The following RBFOX1 variants were observed in gnomAD, a reference collection of about 807,000 sequenced individuals.
RBFOX1 encodes RNA binding fox-1 homolog 1.
A neutral mutation model predicts 57.7 loss-of-function variants in RBFOX1; 8 were observed. That is an observed-to-expected ratio of 0.14 (90% confidence interval 0.08 to 0.25). RBFOX1 has a LOEUF of 0.25. Among genes scored for constraint, RBFOX1 ranks in the 10% least tolerant of loss-of-function variants. RBFOX1 has a pLI of 1.00. For missense variants in RBFOX1, 611 were observed against 548.5 expected (o/e 1.11, Z -1.14); for synonymous variants, 326 against 222.4 (o/e 1.47, Z -4.15).
chr16:7,692,611 A>G (rs1036186545), intron 14 of RBFOX1, among the ~76,000 whole-genome samples: 1 of 152,180 alleles, frequency 6.6e-6, no homozygotes, highest in Admixed American at 6.5e-5. Flanking sequence ...TTATTTGTAG[A>G]CGAATTAGTA....
At chr16:6,729,666 C>G (rs1032446091) in intron 3 of RBFOX1, among the ~76,000 whole-genome samples, 2 of 152,006 alleles carry the variant, frequency 1.3e-5, no homozygotes, top group Admixed American at 6.6e-5. Flanking sequence ...AGACTTGCAA[C>G]CCTTAATATA....
intron 2 of RBFOX1, among the ~76,000 whole-genome samples, chr16:6,495,868 A>G (rs1201262547): frequency 2.0e-5 from 3 of 152,200 alleles, no homozygotes; most frequent in Non-Finnish European, 4.4e-5. Flanking sequence ...TATTCACAAC[A>G]TAAAGGTATC....
At chr16:6,480,776 G>C (rs767928503) in intron 2 of RBFOX1, among the ~76,000 whole-genome samples, 2 of 152,056 alleles carry the variant, frequency 1.3e-5, no homozygotes, top group Non-Finnish European at 2.9e-5. Flanking sequence ...AGAAATATTT[G>C]TATATATATT....
At chr16:5,548,170 A>ATATATATATATATACATAT in intron 2 of RBFOX1, among the ~76,000 whole-genome samples, 1 of 40,714 alleles carries the variant, frequency 2.5e-5, no homozygotes, top group East Asian at 6.9e-4. Flanking sequence ...AAAAAAAAAA[A>ATATATATATATATACATAT]AAAAATATAT....
At chr16:5,509,974 C>T (rs576333110) in intron 2 of RBFOX1, among the ~76,000 whole-genome samples, 284 of 152,296 alleles carry the variant, frequency 1.9e-3, no homozygotes, top group African/African-American at 6.6e-3. Flanking sequence ...GGCACAAGTT[C>T]TGGGCTTGGA....
rs189642917 is a variant in RBFOX1, at chr16:7,039,540, C to G, written c.-15-12517C>G. Reference sequence around the variant, plus strand: ...TTTTTACTTTTTTAATTGATTATTTCTCACCTCCTTTCCTGAAACCTAAGC... The same window carrying G: ...TTTTTACTTTTTTAATTGATTATTTGTCACCTCCTTTCCTGAAACCTAAGC... On this transcript the variant is annotated intron_variant, in intron 3 of 15. Transcript: ENST00000550418. Among the ~76,000 whole-genome samples, 396 of 152,162 alleles carry G rather than the reference C, an allele frequency of 2.6e-3. 2 individuals carry two copies. Among genetic ancestry groups the G allele is most frequent in the Middle Eastern group, 0.017 (5 of 294 alleles).
chr16:6,926,004 A>T (rs898888600), intron 3 of RBFOX1, among the ~76,000 whole-genome samples: 1 of 152,050 alleles, frequency 6.6e-6, no homozygotes, highest in African/African-American at 2.4e-5. Context: ...ATCTCTGTCT[A>T]TGCTCAAAAA....
chr16:7,415,600 C>T (rs973252278), intron 4 of RBFOX1, among the ~76,000 whole-genome samples: 2 of 152,016 alleles, frequency 1.3e-5, no homozygotes, highest in African/African-American at 2.4e-5. Context: ...TTATAATATA[C>T]GTAATATTAT....
At chr16:6,522,797 C>T (rs929404693) in intron 2 of RBFOX1, among the ~76,000 whole-genome samples, 1 of 152,160 alleles carries the variant, frequency 6.6e-6, no homozygotes, top group African/African-American at 2.4e-5. Context: ...TAATGCAACC[C>T]AAACCTTTGC....
At chr16:7,478,937 G>A (rs747473723) in intron 4 of RBFOX1, among the ~76,000 whole-genome samples, 1 of 151,912 alleles carries the variant, frequency 6.6e-6, no homozygotes, top group African/African-American at 2.4e-5. Flanking sequence ...CCATCATTTC[G>A]TTTGTTCCCG....
rs202032535 is a variant in RBFOX1, at chr16:6,646,031, AG to A, written c.-63-8569del. ...GGGTTTCCCGGCTACAAAAAGTAGA[AG>A]GGCTGCCTTCTGTCGGGAAATTGAT... On this transcript the variant is annotated intron_variant, in intron 2 of 15. Coordinates refer to ENST00000550418, the MANE Select transcript of RBFOX1 (RefSeq NM_018723.4). Among the ~76,000 whole-genome samples the A allele has an allele frequency of 9.2e-3, 1,404 of 152,232 alleles. 8 individuals carry two copies. The highest frequency in any genetic ancestry group is 0.015 in the Non-Finnish European group (1,009 of 68,024).
intron 3 of RBFOX1, among the ~76,000 whole-genome samples, chr16:7,027,251 C>T (rs1469132101): frequency 6.6e-6 from 1 of 152,104 alleles, no homozygotes; most frequent in African/African-American, 2.4e-5. Context: ...AACTAATAAA[C>T]AAGTAAATGA....
chr16:5,554,318 T>C (rs1195370656), intron 2 of RBFOX1, among the ~76,000 whole-genome samples: 4 of 152,238 alleles, frequency 2.6e-5, no homozygotes, highest in African/African-American at 9.6e-5. Flanking sequence ...GCATAAAACC[T>C]AAAATAATTA....
chr16:6,674,117 C>G (rs1204136653), intron 3 of RBFOX1, among the ~76,000 whole-genome samples: 4 of 152,120 alleles, frequency 2.6e-5, no homozygotes, highest in South Asian at 2.1e-4. Context: ...TTGGCTTAAG[C>G]TAAGATTGGT....
At chr16:7,005,389 C>T (rs182290010) in intron 3 of RBFOX1, among the ~76,000 whole-genome samples, 9 of 152,190 alleles carry the variant, frequency 5.9e-5, no homozygotes, top group African/African-American at 2.2e-4. Context: ...GGCAAGGAAA[C>T]ATCCCAATAC....
intron 1 of RBFOX1, among the ~76,000 whole-genome samples, chr16:5,273,165 T>G (rs1204546197): frequency 6.6e-6 from 1 of 151,826 alleles, no homozygotes; most frequent in Non-Finnish European, 1.5e-5. Flanking sequence ...TGTATTAAAA[T>G]TGCCCAAACT....
rs1015198326 is a variant in RBFOX1, at chr16:5,837,015, G to A, written c.319-30288G>A. Among the ~76,000 whole-genome samples, 10 of 152,130 alleles carry A rather than the reference G, an allele frequency of 6.6e-5. 1 individual carries two copies. The highest frequency in any genetic ancestry group is 2.2e-4 in the African/African-American group (9 of 41,412). ...TGATAGTCTTCCCTAGAGCCCTTGC[G>A]TGGTCCCTGGTCACTTGCAGAAGTA... On this transcript the variant is annotated intron_variant, in intron 3 of 19. Coordinates refer to the RBFOX1 transcript ENST00000641259.
chr16:7,589,145 T>G lies in RBFOX1; in HGVS notation c.468+1845T>G, dbSNP rs151283193. The stretch of plus-strand genomic sequence containing the variant: ...TAATTCTGTTCACTCGAGCCTTCTG[T>G]ATTCTTGGCGAAATTGTAGATGACC... On this transcript the variant is annotated intron_variant, in intron 7 of 15. Coordinates refer to ENST00000550418, the MANE Select transcript of RBFOX1 (RefSeq NM_018723.4). 5.2e-3 allele frequency among the ~76,000 whole-genome samples: 789 copies of G among 152,338 alleles called. 15 individuals are homozygous for G. Among genetic ancestry groups the G allele is most frequent in the Admixed American group, 0.036 (551 of 15,304 alleles).
intron 5 of RBFOX1, among the ~76,000 whole-genome samples, chr16:7,559,660 TA>T (rs2089828185): frequency 6.6e-6 from 1 of 152,166 alleles, no homozygotes; most frequent in African/African-American, 2.4e-5. Flanking sequence ...GGAGGGTAAT[TA>T]AGAATGAATT....
Sources: allele counts gnomAD v4.1 joint callset (sites outside exome capture counted in the v4.1 genomes callset), GRCh38; gene constraint gnomAD v4.1.1; transcripts MANE v1.5; gene names NCBI Gene and HGNC (gene_info 2026-07-23, HGNC 2026-07-21).